SMAP1: variants seen among roughly 807,000 people sequenced by gnomAD.
The protein encoded by SMAP1 is small ArfGAP 1.
SMAP1 carries 24 observed loss-of-function variants against 58.5 expected under a neutral mutation model. The observed-to-expected ratio is 0.41, with a 90% confidence interval of 0.30 to 0.58. SMAP1 has a LOEUF of 0.58. Among genes scored for constraint, SMAP1 ranks in the 20% least tolerant of loss-of-function variants. The pLI is 0.29. For missense variants in SMAP1, 563 were observed against 566.3 expected, an observed-to-expected ratio of 0.99 and a Z score of 0.06; for synonymous variants, 216 against 196.6, an observed-to-expected ratio of 1.10 and a Z score of -0.82.
At chr6:70,758,426 C>T (rs1333881041) in intron 3 of SMAP1, among the ~76,000 whole-genome samples, 1 of 149,120 alleles carries the variant, frequency 6.7e-6, no homozygotes, top group Non-Finnish European at 1.5e-5. Flanking sequence ...TGCTAGATGA[C>T]GAGTTAGTGG....
Position 70,852,782 on chromosome 6 carries a change from T to G in SMAP1, c.789+118T>G, listed in dbSNP as rs1771238284. The G allele has an allele frequency of 4.1e-6, 5 of 1,217,862 alleles. No homozygotes were observed. In the East Asian group the frequency reaches 1.4e-4, roughly 33 times the overall value. 75.4% of individuals were successfully genotyped at this position (1,217,862 alleles called of 1,614,324 possible). A position where few individuals can be genotyped will look rare whatever the true frequency, so the allele number is the denominator to read the frequency against. The stretch of plus-strand genomic sequence containing the variant: ...AGTAACTGATTTAAAAGTCTCCTGT[T>G]CTTTAGGCTAGAGTTTAGCAAACTA... On this transcript the variant is annotated intron_variant, in intron 8 of 10. Transcript: ENST00000370455.
chr6:70,798,302 G>A (rs530646742), intron 5 of SMAP1, among the ~76,000 whole-genome samples: 13 of 148,760 alleles, frequency 8.7e-5, no homozygotes, highest in Middle Eastern at 3.4e-3. Flanking sequence ...ATTCAACTTC[G>A]TGATTGCTGT....
At chr6:70,763,052 A>G (rs1582134209) in intron 3 of SMAP1, among the ~76,000 whole-genome samples, 1 of 151,334 alleles carries the variant, frequency 6.6e-6, no homozygotes, top group African/African-American at 2.4e-5. Flanking sequence ...AGTATTCTAC[A>G]TAGGAATACC....
intron 4 of SMAP1, among the ~76,000 whole-genome samples, chr6:70,790,359 G>A (rs1024572161): frequency 7.9e-5 from 12 of 152,102 alleles, no homozygotes; most frequent in Admixed American, 4.6e-4. Context: ...GGCTGGTCTC[G>A]AACTCCTGAA....
intron 1 of SMAP1, among the ~76,000 whole-genome samples, chr6:70,697,687 A>G (rs111740761): frequency 0.023 from 3,475 of 152,150 alleles, 151 homozygotes; most frequent in African/African-American, 0.08. Flanking sequence ...TATCTTGTGT[A>G]GGGTTTTTTG....
At chr6:70,690,391 C>G (rs552784507) in intron 1 of SMAP1, among the ~76,000 whole-genome samples, 4 of 152,102 alleles carry the variant, frequency 2.6e-5, no homozygotes, top group African/African-American at 9.6e-5. Context: ...ACTGCAACCT[C>G]CGCCTCCTGG....
At chr6:70,784,818 C>G (rs1304812280) in intron 4 of SMAP1, among the ~76,000 whole-genome samples, 1 of 152,098 alleles carries the variant, frequency 6.6e-6, no homozygotes, top group Non-Finnish European at 1.5e-5. Flanking sequence ...CCTGAGTGAC[C>G]TACATAAAGA....
chr6:70,723,343 A>T (rs184890693), intron 1 of SMAP1, among the ~76,000 whole-genome samples: 1 of 152,164 alleles, frequency 6.6e-6, no homozygotes, highest in Admixed American at 6.5e-5. Flanking sequence ...GAATCCCTCA[A>T]TGTATACCTT....
intron 2 of SMAP1, among the ~76,000 whole-genome samples, chr6:70,742,547 C>G (rs1765859025): frequency 6.6e-6 from 1 of 152,186 alleles, no homozygotes; most frequent in Admixed American, 6.5e-5. Context: ...CAGCAAGTCT[C>G]TAGGAAGCTC....
intron 6 of SMAP1, among the ~76,000 whole-genome samples, chr6:70,835,340 A>G (rs1404389686): frequency 6.6e-5 from 10 of 151,998 alleles, no homozygotes; most frequent in Non-Finnish European, 1.3e-4. Flanking sequence ...TGTAGTGATT[A>G]AAAAACAAAT....
chr6:70,814,156 T>TG (rs1491514669), intron 6 of SMAP1, among the ~76,000 whole-genome samples: 1 of 152,118 alleles, frequency 6.6e-6, no homozygotes, highest in Non-Finnish European at 1.5e-5. Flanking sequence ...CTGTTCTGTC[T>TG]TTTACAGTTG....
At chr6:70,830,159 T>C (rs1770301213) in intron 6 of SMAP1, among the ~76,000 whole-genome samples, 1 of 152,240 alleles carries the variant, frequency 6.6e-6, no homozygotes, top group South Asian at 2.1e-4. Context: ...GATTGCCTAA[T>C]TTTATCTACC....
At chr6:70,668,574 AC>A in intron 1 of SMAP1, 1 of 1,534,758 alleles carries the variant, frequency 6.5e-7, no homozygotes, top group Admixed American at 2.0e-5. Context: ...CCCCTCCTCT[AC>A]CCTCCGGTGT....
chr6:70,750,029 G>A (rs117814639), intron 2 of SMAP1, among the ~76,000 whole-genome samples: 2,076 of 152,282 alleles, frequency 0.014, 24 homozygotes, highest in Non-Finnish European at 0.023. Flanking sequence ...CAGGTGGTAT[G>A]TCATTTATTT....
Position 70,852,659 on chromosome 6 carries a change from G to A in SMAP1, c.784G>A (p.Ala262Thr). The change falls in exon 8 of 11, where the codon GCT becomes ACT. Residue 262 changes from alanine (A) to threonine (T), a missense_variant. Physicochemically the swap from Ala to Thr is moderately conservative, Grantham distance 58. Transcript: ENST00000370455. ...CTTACCTGCAACTGTCATGCCCCCAGCTCAGGTATGTGATAAGAATATGGT... is the reference window on the plus strand; with the variant it reads ...CTTACCTGCAACTGTCATGCCCCCAACTCAGGTATGTGATAAGAATATGGT... ...NPLPATVMPP[A>T]QGTPSAPAAA... is the part of the protein sequence containing the mutation. 1 of 1,596,908 alleles carries A rather than the reference G, an allele frequency of 6.3e-7. No individual in the cohort carries two copies. The highest frequency in any genetic ancestry group is 8.5e-7 in the Non-Finnish European group (1 of 1,173,134).
intron 1 of SMAP1, among the ~76,000 whole-genome samples, chr6:70,674,792 T>C (rs1404720256): frequency 1.3e-5 from 2 of 152,062 alleles, no homozygotes; most frequent in African/African-American, 2.4e-5. Context: ...CTGGCCAACA[T>C]GGCAAAACCC....
At chr6:70,844,236 T>C (rs1160839407) in intron 7 of SMAP1, among the ~76,000 whole-genome samples, 2 of 152,236 alleles carry the variant, frequency 1.3e-5, no homozygotes, top group Admixed American at 1.3e-4. Flanking sequence ...TGATTTGATA[T>C]ATATTTATTT....
Position 70,836,956 on chromosome 6 carries a change from C to A in SMAP1, c.592C>A (p.Gln198Lys). 1 of 1,595,494 alleles carries A rather than the reference C, an allele frequency of 6.3e-7. No homozygotes were observed. The highest frequency in any genetic ancestry group is 1.2e-5 in the South Asian group (1 of 86,356). ...TACTTTAAAGCTGCAGAAGAAAGAT[C>A]AGCAACTGGAGCCTAAAAAAAGTAC... is the stretch of plus-strand genomic sequence containing the variant. ...LTAEKLQKKDQQLEPKKSTSP... is the reference protein window; with the variant it reads ...LTAEKLQKKDKQLEPKKSTSP... Residue 198 changes from glutamine to lysine, a missense_variant, in exon 7 of 11, where the codon CAG (glutamine) becomes AAG (lysine). Physicochemically the swap from Gln to Lys is moderately conservative, Grantham distance 53. Coordinates refer to ENST00000370455, the MANE Select transcript of SMAP1 (RefSeq NM_001044305.3).
At chr6:70,765,576 A>G (rs990487085) in intron 3 of SMAP1, among the ~76,000 whole-genome samples, 3 of 152,180 alleles carry the variant, frequency 2.0e-5, no homozygotes, top group African/African-American at 4.8e-5. Context: ...CAAAAATTGT[A>G]TTGAGCACCT....
Sources: gnomAD v4.1 joint callset for allele counts (sites outside exome capture counted in the v4.1 genomes callset) on GRCh38, gnomAD v4.1.1 for gene constraint, MANE v1.5 for transcripts, NCBI Gene and HGNC (gene_info 2026-07-23, HGNC 2026-07-21) for gene names.